The following ACCSL variants were observed in gnomAD, a reference collection of about 807,000 sequenced individuals.
ACCSL encodes the protein 1-aminocyclopropane-1-carboxylate synthase homolog (inactive) like, also known as probable inactive 1-aminocyclopropane-1-carboxylate synthase-like protein 2.
Under a neutral mutation model 61.7 loss-of-function variants are expected in ACCSL, and 55 were observed. The observed-to-expected ratio is 0.89, with a 90% CI of 0.72 to 1.12. ACCSL has a LOEUF of 1.12. ACCSL is among the 50% of genes most tolerant of loss of function. ACCSL has a pLI of 0.00. For synonymous variants in ACCSL, 258 were observed against 264.3 expected, an observed-to-expected ratio of 0.98 and a Z score of 0.23; for missense variants, 632 against 698.0, an observed-to-expected ratio of 0.91 and a Z score of 1.07.
At chr11:44,046,869 T>C (rs538627652), upstream of ACCSL, among the ~76,000 whole-genome samples, 1 of 152,324 alleles carries the variant, frequency 6.6e-6, no homozygotes, top group South Asian at 2.1e-4. Flanking sequence ...ATTGATTCTT[T>C]GAGGCTTTAA....
chr11:43,990,159 G>T, the ACCSL span, among the ~76,000 whole-genome samples: 1 of 152,214 alleles, frequency 6.6e-6, no homozygotes, highest in Non-Finnish European at 1.5e-5. Context: ...GTGAAGTGGA[G>T]ATCAGGAGAG....
At chr11:43,966,498 A>C in the ACCSL span, among the ~76,000 whole-genome samples, 7 of 152,144 alleles carry the variant, frequency 4.6e-5, no homozygotes, top group East Asian at 5.8e-4. Flanking sequence ...GTGAAAAAAA[A>C]ACCCACAAAA....
chr11:43,931,901 A>C, the ACCSL span, among the ~76,000 whole-genome samples: 1 of 152,150 alleles, frequency 6.6e-6, no homozygotes, highest in African/African-American at 2.4e-5. Context: ...TCCAGCCCCA[A>C]ACCTGTCCTA....
chr11:43,993,211 T>C, the ACCSL span, among the ~76,000 whole-genome samples: 1 of 152,182 alleles, frequency 6.6e-6, no homozygotes, highest in Non-Finnish European at 1.5e-5. Flanking sequence ...TCATGGGGTA[T>C]GGCCCCTCCT....
the ACCSL span, chr11:43,921,133 G>A: frequency 3.9e-5 from 6 of 152,344 alleles, no homozygotes; most frequent in African/African-American, 9.6e-5. Flanking sequence ...AAAATAGGGC[G>A]GGAGAGTTAG....
chr11:43,974,457 A>G, the ACCSL span, among the ~76,000 whole-genome samples: 8 of 152,280 alleles, frequency 5.3e-5, no homozygotes, highest in South Asian at 1.7e-3. Context: ...ATAATCTGAG[A>G]TGATCTAATC....
At chr11:43,943,325 G>C in the ACCSL span, 1 of 1,429,316 alleles carries the variant, frequency 7.0e-7, no homozygotes, top group Non-Finnish European at 9.1e-7. The surrounding 1 kb of genome is among the most constrained non-coding windows in gnomAD (Gnocchi z 4.8). Flanking sequence ...CGCGGGGACC[G>C]GCGTGTGAAC....
At chr11:44,001,317 G>A in the ACCSL span, among the ~76,000 whole-genome samples, 1 of 151,498 alleles carries the variant, frequency 6.6e-6, no homozygotes, top group Non-Finnish European at 1.5e-5. Flanking sequence ...GCATTCAGGA[G>A]CAAAGCAAGC....
the ACCSL span, among the ~76,000 whole-genome samples, chr11:43,970,745 T>C: frequency 6.6e-6 from 1 of 152,208 alleles, no homozygotes; most frequent in Non-Finnish European, 1.5e-5. Context: ...TGTAGGCTCA[T>C]GGGTTCCTGT....
chr11:43,982,402 A>G, the ACCSL span, among the ~76,000 whole-genome samples: 94 of 151,248 alleles, frequency 6.2e-4, no homozygotes, highest in African/African-American at 2.3e-3. Context: ...TAATTTTTGT[A>G]TTTTTAGTAG....
chr11:43,952,705 T>TTTGGAGGCATGA, the ACCSL span, among the ~76,000 whole-genome samples: 1 of 152,184 alleles, frequency 6.6e-6, no homozygotes, highest in African/African-American at 2.4e-5. Flanking sequence ...CAGCTCACTT[T>TTTGGAGGCATGA]TTGGAGGCAT....
In ACCSL at chr11:44,058,557, C is replaced by G. The variant is rs374154118; in HGVS notation, c.1482C>G (p.Pro494=). 32 of 1,614,092 alleles carry G rather than the reference C, an allele frequency of 2.0e-5. No individual in the cohort carries two copies. The highest frequency in any genetic ancestry group is 2.7e-5 in the Non-Finnish European group (32 of 1,179,986). Residue 494 remains proline, a synonymous_variant, in exon 13 of 14, where the codon CCC becomes CCG. Coordinates refer to ENST00000378832, the MANE Select transcript of ACCSL (RefSeq NM_001031854.2). ...VWINLKKYLD[P]CTFEEERLLY... ...TCTGCCCTCCCTAGTACCTGGATCC[C>G]TGTACATTTGAAGAAGAACGGCTCC...
At chr11:43,963,514 T>G in the ACCSL span, among the ~76,000 whole-genome samples, 6,997 of 152,288 alleles carry the variant, frequency 0.046, 273 homozygotes, top group Non-Finnish European at 0.065. Context: ...GATGATAACA[T>G]GGCCCCAGAG....
chr11:44,026,025 A>C, the ACCSL span, among the ~76,000 whole-genome samples: 26 of 152,154 alleles, frequency 1.7e-4, no homozygotes, highest in African/African-American at 6.3e-4. Context: ...CAACCCTTTG[A>C]ATTTATCCTA....
the ACCSL span, among the ~76,000 whole-genome samples, chr11:43,975,886 A>G: frequency 6.6e-6 from 1 of 152,326 alleles, no homozygotes; most frequent in South Asian, 2.1e-4. Context: ...GTCTTAATCA[A>G]GGAACCTACA....
chr11:43,950,847 C>T, the ACCSL span, among the ~76,000 whole-genome samples: 1 of 152,068 alleles, frequency 6.6e-6, no homozygotes, highest in African/African-American at 2.4e-5. Flanking sequence ...GCCACTGAAT[C>T]CTTGTTGGAT....
chr11:44,049,720 C>T (rs12224245), intron 1 of ACCSL, among the ~76,000 whole-genome samples: 12,532 of 152,166 alleles, frequency 0.082, 1,469 homozygotes, highest in African/African-American at 0.26. Context: ...GGCTAGTAGG[C>T]TATTCAACTT....
chr11:44,003,673 G>A, the ACCSL span, among the ~76,000 whole-genome samples: 1 of 151,802 alleles, frequency 6.6e-6, no homozygotes, highest in South Asian at 2.1e-4. Flanking sequence ...AATTACATTG[G>A]GCAACTGTTG....
At chr11:44,051,311 A>G (rs775045623) in intron 3 of ACCSL, 24 bp from the exon 4 acceptor site, 21 of 1,613,816 alleles carry the variant, frequency 1.3e-5, no homozygotes, top group African/African-American at 4.0e-5. Flanking sequence ...GGAAGCCACA[A>G]GGTCTCTCTG....
Sources: allele counts gnomAD v4.1 joint callset (sites outside exome capture counted in the v4.1 genomes callset), GRCh38; gene constraint gnomAD v4.1.1; non-coding constraint Gnocchi (gnomAD v3.1); transcripts MANE v1.5; gene names NCBI Gene and HGNC (gene_info 2026-07-23, HGNC 2026-07-21).